Variants in ADARB2 observed in about 807,000 individuals in gnomAD.
ADARB2 encodes the protein inactive double-stranded RNA-specific editase B2.
ADARB2 carries 25 observed loss-of-function variants against 62.2 expected under a neutral mutation model. That is an observed-to-expected ratio of 0.40 (90% CI 0.29 to 0.56). The LOEUF (loss-of-function observed/expected upper bound fraction) is 0.56, where lower values mean the gene tolerates loss of function less well. Among genes scored for constraint, ADARB2 ranks in the 20% least tolerant of loss-of-function variants. The probability of loss-of-function intolerance (pLI) is 0.43; values close to 1 mark genes in which losing one functional copy is unlikely to be tolerated. For synonymous variants in ADARB2, 572 were observed against 500.8 expected (o/e 1.14, Z -1.90); for missense variants, 1,071 against 1,077.4 (o/e 0.99, Z 0.08).
At position 1,598,184 on chromosome 10, in the gene ADARB2, C is replaced by T. The variant is rs185198144; in HGVS notation, c.100+138867G>A. Among the ~76,000 whole-genome samples the T allele has an allele frequency of 2.4e-4, 36 of 152,114 alleles. No homozygotes were observed. In the East Asian group the frequency reaches 4.5e-3, roughly 19 times the overall value. ...CTGCTGGGTGCCCTGTTTACAATTCCGGTGGTGGGTGCACCGAGACATTCC... is the reference window on the plus strand; with the variant it reads ...CTGCTGGGTGCCCTGTTTACAATTCTGGTGGTGGGTGCACCGAGACATTCC... On this transcript the variant is annotated intron_variant, in intron 1 of 9. Transcript: ENST00000381312.
chr10:1,377,000 G>A (rs1274357234), intron 2 of ADARB2, among the ~76,000 whole-genome samples: 2 of 142,888 alleles, frequency 1.4e-5, no homozygotes, highest in African/African-American at 5.2e-5. Context: ...GTGCGTCCCT[G>A]GGGTGTGTGT....
At chr10:1,349,406 C>T in intron 3 of ADARB2, among the ~76,000 whole-genome samples, 1 of 152,306 alleles carries the variant, frequency 6.6e-6, no homozygotes, top group Non-Finnish European at 1.5e-5. Context: ...GGTCCTTTCA[C>T]ACGAACGTGC....
chr10:1,302,013 T>C (rs1242718352), intron 3 of ADARB2, among the ~76,000 whole-genome samples: 2 of 152,210 alleles, frequency 1.3e-5, no homozygotes, highest in African/African-American at 2.4e-5. Flanking sequence ...GTATCTCCCA[T>C]CTAGGGAGGA....
At chr10:1,415,218 G>T (rs1312065342) in intron 1 of ADARB2, among the ~76,000 whole-genome samples, 3 of 151,586 alleles carry the variant, frequency 2.0e-5, no homozygotes, top group African/African-American at 7.3e-5. Flanking sequence ...ATGGGTGGAT[G>T]GGTGGATGGA....
At chr10:1,678,308 G>T (rs1834493836) in intron 1 of ADARB2, 1 of 985,088 alleles carries the variant, frequency 1.0e-6, no homozygotes, top group African/African-American at 1.8e-5. Flanking sequence ...GCATCCTCAG[G>T]GTGAGCGTCT....
chr10:1,284,191 C>T (rs1373549216), intron 3 of ADARB2, among the ~76,000 whole-genome samples: 1 of 152,170 alleles, frequency 6.6e-6, no homozygotes, highest in Non-Finnish European at 1.5e-5. Flanking sequence ...ATCGCTCCCA[C>T]GTGAAGCTCA....
At chr10:1,190,255 C>T (rs1836824161) in intron 8 of ADARB2, among the ~76,000 whole-genome samples, 2 of 152,082 alleles carry the variant, frequency 1.3e-5, no homozygotes, top group South Asian at 2.1e-4. Context: ...CGTGCTTGCA[C>T]AGGGGTCCCA....
At chr10:1,371,895 G>A (rs978228668) in intron 2 of ADARB2, among the ~76,000 whole-genome samples, 1 of 56,878 alleles carries the variant, frequency 1.8e-5, no homozygotes, top group Non-Finnish European at 5.1e-5. Flanking sequence ...TATGGAAAAC[G>A]GTACAGAGAT....
At chr10:1,298,334 G>A (rs1195746083) in intron 3 of ADARB2, among the ~76,000 whole-genome samples, 1 of 152,202 alleles carries the variant, frequency 6.6e-6, no homozygotes, top group Non-Finnish European at 1.5e-5. Flanking sequence ...TGCCAAGGAA[G>A]GTTTTTTGGA....
intron 2 of ADARB2, among the ~76,000 whole-genome samples, chr10:1,373,505 A>G (rs1832392103): frequency 1.3e-5 from 2 of 152,120 alleles, no homozygotes; most frequent in African/African-American, 2.4e-5. Context: ...CTGTGTGTGC[A>G]CATGTAATTG....
intron 1 of ADARB2, among the ~76,000 whole-genome samples, chr10:1,384,248 G>T (rs552447158): frequency 2.0e-5 from 3 of 152,278 alleles, no homozygotes; most frequent in East Asian, 3.9e-4. Flanking sequence ...TACGCTTCCC[G>T]GTCCAAGGAC....
At chr10:1,466,377 T>G (rs11250545) in intron 1 of ADARB2, among the ~76,000 whole-genome samples, 13,847 of 152,210 alleles carry the variant, frequency 0.091, 814 homozygotes, top group East Asian at 0.3. Context: ...GTTAGGGAAA[T>G]TTGAGTAGCA....
intron 1 of ADARB2, among the ~76,000 whole-genome samples, chr10:1,510,112 CTTT>C (rs1564312470): frequency 1.4e-5 from 1 of 72,646 alleles, no homozygotes; most frequent in African/African-American, 6.5e-5. Flanking sequence ...TTCTTTCTCT[CTTT>C]CTTTCTTTCT....
At chr10:1,190,028 C>T (rs1589146745) in intron 8 of ADARB2, among the ~76,000 whole-genome samples, 1 of 152,078 alleles carries the variant, frequency 6.6e-6, no homozygotes, top group Admixed American at 6.5e-5. Context: ...TGCCAACAGA[C>T]CTGTGGCGAT....
At chr10:1,337,933 A>G (rs2387650) in intron 3 of ADARB2, among the ~76,000 whole-genome samples, 140,008 of 152,288 alleles carry the variant, frequency 0.92, 64,411 homozygotes, top group South Asian at 0.95. Flanking sequence ...CACTATACAC[A>G]CTGGATGCTC....
At chr10:1,711,444 G>A (rs1279155764) in intron 1 of ADARB2, among the ~76,000 whole-genome samples, 1 of 152,226 alleles carries the variant, frequency 6.6e-6, no homozygotes, top group African/African-American at 2.4e-5. Context: ...CATAGCTGAT[G>A]GGAGCACTGA....
At chr10:1,263,857 G>C (rs187602700) in intron 4 of ADARB2, among the ~76,000 whole-genome samples, 1 of 152,092 alleles carries the variant, frequency 6.6e-6, no homozygotes, top group African/African-American at 2.4e-5. Context: ...TTAAATGTTC[G>C]GGTGGAACAA....
intron 1 of ADARB2, among the ~76,000 whole-genome samples, chr10:1,466,286 T>C (rs576472818): frequency 6.6e-6 from 1 of 152,334 alleles, no homozygotes; most frequent in African/African-American, 2.4e-5. Flanking sequence ...AGGCTCCTCG[T>C]GATAACAGGC....
At chr10:1,312,137 C>T (rs1831697702) in intron 3 of ADARB2, among the ~76,000 whole-genome samples, 1 of 152,228 alleles carries the variant, frequency 6.6e-6, no homozygotes, top group African/African-American at 2.4e-5. Context: ...TTCTGGCTTG[C>T]AGTGTCCTGG....
Sources: gnomAD v4.1 joint callset for allele counts (sites outside exome capture counted in the v4.1 genomes callset) on GRCh38, gnomAD v4.1.1 for gene constraint, MANE v1.5 for transcripts, NCBI Gene and HGNC (gene_info 2026-07-23, HGNC 2026-07-21) for gene names.